TMEM39B: variants seen among roughly 807,000 people sequenced by gnomAD.
The protein encoded by TMEM39B is transmembrane protein 39B.
A neutral mutation model predicts 52.2 loss-of-function variants in TMEM39B; 23 were observed. The ratio of observed to expected loss-of-function variants is 0.44; its 90% CI spans 0.32 to 0.62. The LOEUF is 0.62. Among genes scored for constraint, TMEM39B ranks in the 20% least tolerant of loss-of-function variants. TMEM39B has a pLI of 0.06. For missense variants in TMEM39B, 547 were observed against 642.0 expected (o/e 0.85, Z 1.60); for synonymous variants, 285 against 264.0 (o/e 1.08, Z -0.77).
Position 32,073,005 on chromosome 1 carries a change from G to C in TMEM39B, c.-43G>C. ...CGCCGTCGCCTCCGACATATTGCCC[G>C]CAGGAGCTGCGGCGGCGAAGCGGAG... On this transcript the variant is annotated 5_prime_UTR_variant, in exon 1 of 9. Transcript: ENST00000336294. 6.5e-7 allele frequency: 1 copy of C among 1,532,370 alleles called. No individual in the cohort carries two copies. The highest frequency in any genetic ancestry group is 8.8e-7 in the Non-Finnish European group (1 of 1,137,852). 94.9% of individuals were successfully genotyped at this position (1,532,370 alleles called of 1,614,324 possible).
intron 5 of TMEM39B, among the ~76,000 whole-genome samples, chr1:32,079,718 C>T (rs568803020): frequency 6.6e-6 from 1 of 151,904 alleles, no homozygotes; most frequent in East Asian, 1.9e-4. Flanking sequence ...TTTTAATGGC[C>T]TCGCAGTATT....
intron 5 of TMEM39B, among the ~76,000 whole-genome samples, chr1:32,089,631 A>G (rs980382653): frequency 4.0e-5 from 6 of 151,590 alleles, no homozygotes; most frequent in Non-Finnish European, 8.8e-5. Context: ...TGGGACCCCC[A>G]GAAAAAAGTA....
chr1:32,082,389 T>A (rs2124447957), intron 5 of TMEM39B, among the ~76,000 whole-genome samples: 1 of 152,324 alleles, frequency 6.6e-6, no homozygotes, highest in South Asian at 2.1e-4. Context: ...CCCAGTAGTA[T>A]GCATACATGA....
chr1:32,100,679 G>T, intron 8 of TMEM39B, 117 bp downstream of exon 8: 1 of 1,385,540 alleles, frequency 7.2e-7, no homozygotes, highest in Non-Finnish European at 1.0e-6. Context: ...CCAATCCAAA[G>T]GAAGACAGTG....
In TMEM39B at chr1:32,100,516, A is replaced by G; in HGVS notation, c.1190A>G (p.His397Arg). The G allele has an allele frequency of 6.2e-7, 1 of 1,614,068 alleles. No individual in the cohort carries two copies. The highest frequency in any genetic ancestry group is 8.5e-7 in the Non-Finnish European group (1 of 1,179,952). Residue 397 changes from histidine (H) to arginine (R), a missense_variant, in exon 8 of 9, where the codon CAC (histidine) becomes CGC (arginine). Coordinates refer to ENST00000336294, the MANE Select transcript of TMEM39B (RefSeq NM_018056.4). ...AAGAACGTCTACAAAGCCGTAGGCC[A>G]CTACAACGTGGCTATCCCCTCTGAC... ...HSKNVYKAVG[H>R]YNVAIPSDVS... is the part of the protein sequence containing the mutation.
At chr1:32,100,986 A>G (rs1641000393) in intron 8 of TMEM39B, among the ~76,000 whole-genome samples, 1 of 152,142 alleles carries the variant, frequency 6.6e-6, no homozygotes, top group African/African-American at 2.4e-5. Context: ...AGCCGAGATC[A>G]TGCCACTGCA....
intron 6 of TMEM39B, among the ~76,000 whole-genome samples, chr1:32,094,416 C>T (rs187591297): frequency 6.2e-4 from 95 of 152,210 alleles, no homozygotes; most frequent in Non-Finnish European, 1.1e-3. Context: ...TGAGCCACTG[C>T]GCTGGGCCTA....
chr1:32,099,747 T>A (rs1290134386), intron 7 of TMEM39B, among the ~76,000 whole-genome samples: 2 of 151,968 alleles, frequency 1.3e-5, no homozygotes, highest in African/African-American at 4.8e-5. Context: ...TAGGAAGCCT[T>A]CAAAAGGTTT....
At chr1:32,086,818 G>C (rs1640369827) in intron 5 of TMEM39B, 1 of 153,000 alleles carries the variant, frequency 6.5e-6, no homozygotes, top group African/African-American at 2.4e-5. Flanking sequence ...GCTCACACCT[G>C]TAATCCCAAC....
chr1:32,087,313 G>A lies in TMEM39B; in HGVS notation c.591-4362G>A, dbSNP rs149093571. Among the ~76,000 whole-genome samples, 516 of 90,998 alleles carry A rather than the reference G, an allele frequency of 5.7e-3. 9 individuals carry two copies. Among genetic ancestry groups the A allele is most frequent in the African/African-American group, 0.023 (496 of 21,310 alleles). The allele number at this position is 90,998 out of a possible 152,430, so 59.7% of individuals were successfully genotyped here. On this transcript the variant is annotated intron_variant, in intron 5 of 8. Transcript: ENST00000336294. ...AGTCTGGGGCACAGAGTGAGACTCC[G>A]TCTCACAAAAAAAAAAAAAAAAAAA...
chr1:32,084,664 A>G (rs1390020852), intron 5 of TMEM39B, among the ~76,000 whole-genome samples: 1 of 151,702 alleles, frequency 6.6e-6, no homozygotes, highest in Admixed American at 6.6e-5. Context: ...CCGCCTCCCG[A>G]GTTCAAGTGA....
chr1:32,079,628 G>C (rs564692213), intron 5 of TMEM39B, among the ~76,000 whole-genome samples: 2 of 151,956 alleles, frequency 1.3e-5, no homozygotes, highest in South Asian at 2.1e-4. Flanking sequence ...AGAATTCCTC[G>C]GCTCAAGCAA....
In TMEM39B at chr1:32,072,944, C is replaced by T; in HGVS notation, c.-104C>T. On this transcript the variant is annotated 5_prime_UTR_variant, in exon 1 of 9. Transcript: ENST00000336294. ...CGCGGCGGGAGCGCGCGGCTGATAC[C>T]CGGGACTGGGCTGCGGCGGTTAGTC... is the stretch of plus-strand genomic sequence containing the variant. 1.4e-6 allele frequency: 2 copies of T among 1,433,606 alleles called. No individual in the cohort carries two copies. Among genetic ancestry groups the T allele is most frequent in the Non-Finnish European group, 1.9e-6 (2 of 1,070,668 alleles). The allele number at this position is 1,433,606 out of a possible 1,614,324, so 88.8% of individuals were successfully genotyped here. A position where few individuals can be genotyped will look rare whatever the true frequency, so the allele number is the denominator to read the frequency against.
chr1:32,096,869 A>G (rs961319230), intron 7 of TMEM39B, among the ~76,000 whole-genome samples: 1 of 151,692 alleles, frequency 6.6e-6, no homozygotes, highest in African/African-American at 2.4e-5. Flanking sequence ...CAGTGGTGCA[A>G]TCACAGCTCA....
At chr1:32,085,778 T>C (rs1640323006) in intron 5 of TMEM39B, among the ~76,000 whole-genome samples, 1 of 152,026 alleles carries the variant, frequency 6.6e-6, no homozygotes, top group Non-Finnish European at 1.5e-5. Flanking sequence ...TCCCTTATTT[T>C]CCTCAATTTT....
chr1:32,079,058 C>T (rs1308702543), intron 5 of TMEM39B, among the ~76,000 whole-genome samples: 1 of 151,980 alleles, frequency 6.6e-6, no homozygotes, highest in Non-Finnish European at 1.5e-5. Context: ...ACGGGTCTGT[C>T]TCATTATTTT....
rs1056590737 is a variant in TMEM39B, at chr1:32,073,089, G to A, written c.4+38G>A. 8.3e-6 allele frequency: 12 copies of A among 1,446,676 alleles called. No individual in the cohort carries two copies. In the South Asian group the frequency reaches 1.4e-4, roughly 17 times the overall value. The allele number at this position is 1,446,676 out of a possible 1,614,324, so 89.6% of individuals were successfully genotyped here. On this transcript the variant is annotated intron_variant, in intron 1 of 8. Coordinates refer to ENST00000336294, the MANE Select transcript of TMEM39B (RefSeq NM_018056.4). ...GCTCAGGCTCGGCCTGGCAACGAGC[G>A]GGCGCACGGGTTAGGATGGCCAGGC...
chr1:32,076,868 G>T (rs1298255105), intron 4 of TMEM39B, 22 bp downstream of exon 4: 1 of 1,613,172 alleles, frequency 6.2e-7, no homozygotes, highest in East Asian at 2.2e-5. Context: ...CTAGAGGCTG[G>T]CCAGGGACTT....
intron 3 of TMEM39B, 24 bp downstream of exon 3, chr1:32,075,846 G>C: frequency 7.5e-7 from 1 of 1,336,642 alleles, no homozygotes; most frequent in Middle Eastern, 2.6e-4. Context: ...AAGGGTGTGT[G>C]TGTGTGTGTG....
Sources: allele counts gnomAD v4.1 joint callset (sites outside exome capture counted in the v4.1 genomes callset), GRCh38; gene constraint gnomAD v4.1.1; transcripts MANE v1.5; gene names NCBI Gene and HGNC (gene_info 2026-07-23, HGNC 2026-07-21).